Variants in SLC24A2 observed in about 807,000 individuals in gnomAD.
The protein encoded by SLC24A2 is sodium/potassium/calcium exchanger 2.
Under a neutral mutation model 62.0 loss-of-function variants are expected in SLC24A2, and 36 were observed. The observed-to-expected ratio is 0.58, with a 90% CI of 0.44 to 0.77. The LOEUF is 0.77. Ranked by LOEUF, SLC24A2 falls within the 30% of genes least tolerant of loss-of-function variation. SLC24A2 has a pLI of 0.00. For synonymous variants in SLC24A2, 358 were observed against 294.0 expected (o/e 1.22, Z -2.23); for missense variants, 846 against 817.9 (o/e 1.03, Z -0.42).
At chr9:20,247,340 G>T in the SLC24A2 span, among the ~76,000 whole-genome samples, 1 of 151,966 alleles carries the variant, frequency 6.6e-6, no homozygotes, top group Non-Finnish European at 1.5e-5. Context: ...GTCCAGCCTT[G>T]CCTCTCCCAC....
chr9:20,228,963 G>T, the SLC24A2 span, among the ~76,000 whole-genome samples: 1 of 152,032 alleles, frequency 6.6e-6, no homozygotes, highest in African/African-American at 2.4e-5. Context: ...ATCATCCCTG[G>T]CAATAAAGGC....
the SLC24A2 span, among the ~76,000 whole-genome samples, chr9:20,301,598 G>C: frequency 1.3e-5 from 2 of 149,128 alleles, no homozygotes; most frequent in African/African-American, 2.5e-5. Context: ...TTTTTTTCAA[G>C]CAGTTTTAGG....
intron 5 of SLC24A2, among the ~76,000 whole-genome samples, chr9:19,587,269 C>T (rs1026162572): frequency 2.0e-5 from 3 of 152,196 alleles, no homozygotes; most frequent in African/African-American, 4.8e-5. Context: ...TTTGAGGAAC[C>T]TATATATTAC....
intron 2 of SLC24A2, among the ~76,000 whole-genome samples, chr9:19,708,434 G>T (rs1332108980): frequency 6.6e-6 from 1 of 152,122 alleles, no homozygotes; most frequent in Admixed American, 6.5e-5. Context: ...CCAAAAAAGA[G>T]CCTGCATCAC....
the SLC24A2 span, among the ~76,000 whole-genome samples, chr9:20,141,711 C>T: frequency 1.7e-3 from 266 of 152,058 alleles, no homozygotes; most frequent in African/African-American, 5.7e-3. Context: ...TGCAGGGTAG[C>T]GTCCTTATGC....
intron 2 of SLC24A2, among the ~76,000 whole-genome samples, chr9:19,683,936 C>T (rs924725944): frequency 1.3e-5 from 2 of 152,086 alleles, no homozygotes; most frequent in African/African-American, 4.8e-5. Context: ...CACCATCTCC[C>T]CTCCTGGGGA....
At chr9:19,666,733 C>T (rs1003264044) in intron 2 of SLC24A2, among the ~76,000 whole-genome samples, 2 of 152,084 alleles carry the variant, frequency 1.3e-5, no homozygotes, top group African/African-American at 4.8e-5. Flanking sequence ...TAAAGGGCTA[C>T]TAAAACCATT....
At chr9:19,559,476 C>A (rs1835284924) in intron 7 of SLC24A2, among the ~76,000 whole-genome samples, 1 of 152,152 alleles carries the variant, frequency 6.6e-6, no homozygotes, top group African/African-American at 2.4e-5. Context: ...GACTTACTAT[C>A]AGAAACAAAG....
the SLC24A2 span, among the ~76,000 whole-genome samples, chr9:20,043,770 C>T: frequency 2.0e-5 from 3 of 152,134 alleles, no homozygotes; most frequent in African/African-American, 7.2e-5. Context: ...TATTGAGATG[C>T]AATATGCTTC....
the SLC24A2 span, among the ~76,000 whole-genome samples, chr9:19,864,510 T>G: frequency 6.6e-6 from 1 of 152,068 alleles, no homozygotes; most frequent in Non-Finnish European, 1.5e-5. Flanking sequence ...GTAGAATTTA[T>G]CCCTGTAAAG....
chr9:19,956,509 AAG>A, the SLC24A2 span, among the ~76,000 whole-genome samples: 1 of 152,126 alleles, frequency 6.6e-6, no homozygotes, highest in African/African-American at 2.4e-5. Context: ...TGGGAAGAAA[AAG>A]AGGTTTAATG....
chr9:20,241,114 A>G, the SLC24A2 span, among the ~76,000 whole-genome samples: 2 of 152,236 alleles, frequency 1.3e-5, no homozygotes, highest in Non-Finnish European at 2.9e-5. Flanking sequence ...ACCTTTACCA[A>G]TGAAACCACG....
At chr9:19,888,047 A>AC in the SLC24A2 span, among the ~76,000 whole-genome samples, 16 of 152,202 alleles carry the variant, frequency 1.1e-4, no homozygotes, top group Middle Eastern at 3.2e-3. Context: ...GTTGATGGGT[A>AC]CACCAAAATC....
At chr9:19,516,567 C>G (rs531530207) in intron 10 of SLC24A2, among the ~76,000 whole-genome samples, 165 bp from the exon 11 acceptor site, 39 of 152,286 alleles carry the variant, frequency 2.6e-4, no homozygotes, top group Non-Finnish European at 5.0e-4. Context: ...CCCAGGAAAC[C>G]ACTTTATAAG....
chr9:19,685,006 G>C (rs142348333), intron 2 of SLC24A2, among the ~76,000 whole-genome samples: 108 of 152,162 alleles, frequency 7.1e-4, no homozygotes, highest in Admixed American at 1.2e-3. Flanking sequence ...AAAGTTTCAG[G>C]ATAAAAATTA....
chr9:19,759,427 C>A (rs1478295801), intron 2 of SLC24A2, among the ~76,000 whole-genome samples: 1 of 152,180 alleles, frequency 6.6e-6, no homozygotes, highest in African/African-American at 2.4e-5. Flanking sequence ...AGCTTTTCAA[C>A]TGCAAAGTGA....
chr9:20,189,092 T>TA, the SLC24A2 span, among the ~76,000 whole-genome samples: 31 of 142,868 alleles, frequency 2.2e-4, no homozygotes, highest in South Asian at 6.7e-4. Flanking sequence ...TTTTTTTTTT[T>TA]CCCAGTTGAT....
chr9:19,591,063 C>A (rs1029077122), intron 5 of SLC24A2, among the ~76,000 whole-genome samples: 1 of 152,154 alleles, frequency 6.6e-6, no homozygotes, highest in Non-Finnish European at 1.5e-5. Flanking sequence ...GGACTCTAGA[C>A]TTTGGAGTCC....
At chr9:19,949,654 A>G in the SLC24A2 span, among the ~76,000 whole-genome samples, 1 of 152,208 alleles carries the variant, frequency 6.6e-6, no homozygotes, top group African/African-American at 2.4e-5. Context: ...TTGGCTAATG[A>G]GTAGTGTACA....
Sources: allele counts gnomAD v4.1 joint callset (sites outside exome capture counted in the v4.1 genomes callset), GRCh38; gene constraint gnomAD v4.1.1; transcripts MANE v1.5; gene names NCBI Gene and HGNC (gene_info 2026-07-23, HGNC 2026-07-21).